DIAPH3: variants seen among roughly 807,000 people sequenced by gnomAD.
DIAPH3 encodes protein diaphanous homolog 3.
A neutral mutation model predicts 144.3 loss-of-function variants in DIAPH3; 117 were observed. The ratio of observed to expected loss-of-function variants is 0.81; its 90% confidence interval spans 0.70 to 0.95. The LOEUF is 0.95. Among genes scored for constraint, DIAPH3 ranks in the 40% least tolerant of loss-of-function variants. The pLI is 0.00. For missense variants in DIAPH3, 1,421 were observed against 1,412.7 expected, an observed-to-expected ratio of 1.01 and a Z score of -0.09; for synonymous variants, 519 against 488.9, an observed-to-expected ratio of 1.06 and a Z score of -0.81.
chr13:60,096,668 G>C (rs2058113991), intron 3 of DIAPH3, among the ~76,000 whole-genome samples: 1 of 152,098 alleles, frequency 6.6e-6, no homozygotes, highest in South Asian at 2.1e-4. Flanking sequence ...AGAACAAAAA[G>C]GCAGAAGAAA....
chr13:59,979,260 C>A (rs1400761578), intron 14 of DIAPH3, among the ~76,000 whole-genome samples: 2 of 151,564 alleles, frequency 1.3e-5, no homozygotes, highest in African/African-American at 2.4e-5. Flanking sequence ...TGACTCCATT[C>A]ATATATACTA....
chr13:59,684,002 T>G (rs1176734718), intron 27 of DIAPH3, among the ~76,000 whole-genome samples: 2 of 151,784 alleles, frequency 1.3e-5, no homozygotes, highest in African/African-American at 4.8e-5. Context: ...CTGTTAATTC[T>G]GACATACTCA....
intron 9 of DIAPH3, among the ~76,000 whole-genome samples, chr13:60,008,097 C>A (rs994974542): frequency 1.3e-5 from 2 of 151,850 alleles, no homozygotes; most frequent in Non-Finnish European, 2.9e-5. Context: ...ATTCTATATT[C>A]TAAAAATAAT....
chr13:59,789,578 C>G (rs1380902101), intron 25 of DIAPH3, among the ~76,000 whole-genome samples: 1 of 151,920 alleles, frequency 6.6e-6, no homozygotes, highest in South Asian at 2.1e-4. Context: ...GGTAATTTCA[C>G]AGGAATTTTC....
chr13:60,096,279 A>C (rs1412696823), intron 3 of DIAPH3, among the ~76,000 whole-genome samples: 2 of 152,232 alleles, frequency 1.3e-5, no homozygotes, highest in African/African-American at 4.8e-5. Context: ...AAATTAAAAT[A>C]CTTAATATAC....
intron 17 of DIAPH3, among the ~76,000 whole-genome samples, chr13:59,961,266 G>T (rs1270830216): frequency 6.6e-6 from 1 of 152,070 alleles, no homozygotes; most frequent in African/African-American, 2.4e-5. Context: ...CAATGAGCTG[G>T]GCACTGCAAA....
rs145595130 is a variant in DIAPH3, at chr13:59,678,592, C to T, written c.3320-11746G>A. 1.4e-3 allele frequency among the ~76,000 whole-genome samples: 217 copies of T among 152,262 alleles called. 2 individuals carry two copies. The highest frequency in any genetic ancestry group is 5.1e-3 in the African/African-American group (210 of 41,560). On this transcript the variant is annotated intron_variant, in intron 27 of 27. Coordinates refer to ENST00000400324, the MANE Select transcript of DIAPH3 (RefSeq NM_001042517.2). The stretch of plus-strand genomic sequence containing the variant: ...TCTGTGAAAAAAAATCCAGCAAACA[C>T]CGTGAGCATGGATCTTTTTCCATTC...
intron 17 of DIAPH3, among the ~76,000 whole-genome samples, chr13:59,929,071 G>A (rs1265997170): frequency 2.0e-5 from 3 of 152,132 alleles, no homozygotes; most frequent in Non-Finnish European, 4.4e-5. Flanking sequence ...GAAACTTTGA[G>A]TATCAAGATG....
chr13:60,144,534 A>C (rs1360945287), intron 1 of DIAPH3, among the ~76,000 whole-genome samples: 1 of 152,204 alleles, frequency 6.6e-6, no homozygotes, highest in Non-Finnish European at 1.5e-5. Flanking sequence ...CCCTAGCCGC[A>C]GCTAAACACA....
At chr13:59,808,031 T>A (rs928287761) in intron 25 of DIAPH3, among the ~76,000 whole-genome samples, 4 of 151,616 alleles carry the variant, frequency 2.6e-5, no homozygotes, top group Admixed American at 2.6e-4. Context: ...GGGAAGATTA[T>A]AAATAAGTAG....
intron 20 of DIAPH3, among the ~76,000 whole-genome samples, chr13:59,907,249 A>G (rs2046786064): frequency 6.6e-6 from 1 of 152,200 alleles, no homozygotes; most frequent in South Asian, 2.1e-4. Context: ...AATATTTCAA[A>G]TTAAGCACAT....
chr13:59,854,503 A>T (rs558624432), intron 22 of DIAPH3, among the ~76,000 whole-genome samples: 2 of 152,292 alleles, frequency 1.3e-5, no homozygotes, highest in East Asian at 3.9e-4. Flanking sequence ...CTTGTCTCCA[A>T]CAAGATTCAT....
At chr13:59,747,402 C>T (rs1030704723) in intron 27 of DIAPH3, among the ~76,000 whole-genome samples, 1 of 152,156 alleles carries the variant, frequency 6.6e-6, no homozygotes, top group Admixed American at 6.5e-5. Context: ...GCTAGAATGG[C>T]TCATCAGCCT....
At chr13:59,831,551 T>C (rs1469787249) in intron 24 of DIAPH3, among the ~76,000 whole-genome samples, 3 of 151,928 alleles carry the variant, frequency 2.0e-5, no homozygotes, top group African/African-American at 2.4e-5. Flanking sequence ...CACTTTAGCA[T>C]AGACTGCCTG....
intron 5 of DIAPH3, among the ~76,000 whole-genome samples, chr13:60,019,919 T>C (rs1009535813): frequency 6.6e-6 from 1 of 152,198 alleles, no homozygotes; most frequent in African/African-American, 2.4e-5. Context: ...TTCCTTTGTT[T>C]TGTTTAAAGT....
In DIAPH3 at chr13:59,971,021, G is replaced by A. The variant is rs2140574952; in HGVS notation, c.1790C>T (p.Pro597Leu). ...TGGCATCCGCATTCCTGGAAGTGGAGGAGGTGGTGGGGGAGGAGGTGGAGG... is the reference window on the plus strand; with the variant it reads ...TGGCATCCGCATTCCTGGAAGTGGAAGAGGTGGTGGGGGAGGAGGTGGAGG... ...VPPPPPPPPP[P>L]PLPGMRMPFS... The change falls in exon 16 of 28, where the codon CCT (proline) becomes CTT (leucine). Residue 597 changes from proline (P) to leucine (L), a missense_variant. Pro to Leu is a moderately conservative substitution (Grantham distance 98, BLOSUM62 -3). Coordinates refer to ENST00000400324, the MANE Select transcript of DIAPH3 (RefSeq NM_001042517.2). 3 of 1,613,674 alleles carry A rather than the reference G, an allele frequency of 1.9e-6. No individual in the cohort carries two copies. The highest frequency in any genetic ancestry group is 1.3e-5 in the African/African-American group (1 of 74,994).
At chr13:59,882,896 A>C (rs1009117356) in intron 20 of DIAPH3, among the ~76,000 whole-genome samples, 4 of 152,178 alleles carry the variant, frequency 2.6e-5, no homozygotes, top group Non-Finnish European at 4.4e-5. Flanking sequence ...TCCTGAAGGC[A>C]GGGAGCAGTA....
At chr13:59,803,925 G>T (rs1443071213) in intron 25 of DIAPH3, among the ~76,000 whole-genome samples, 1 of 152,120 alleles carries the variant, frequency 6.6e-6, no homozygotes, top group Non-Finnish European at 1.5e-5. Flanking sequence ...GGAAAAAATT[G>T]TTACATGGTA....
chr13:59,774,890 C>A, intron 25 of DIAPH3, 67 bp from the exon 26 acceptor site: 3 of 1,332,422 alleles, frequency 2.3e-6, no homozygotes, highest in Non-Finnish European at 1.1e-6. Flanking sequence ...AAAGCATATA[C>A]AAAAACTGGT....
Sources: allele counts gnomAD v4.1 joint callset (sites outside exome capture counted in the v4.1 genomes callset), GRCh38; gene constraint gnomAD v4.1.1; transcripts MANE v1.5; gene names NCBI Gene and HGNC (gene_info 2026-07-23, HGNC 2026-07-21).